The following IL1RAPL1 variants were observed in gnomAD, a reference collection of about 807,000 sequenced individuals.
IL1RAPL1 encodes interleukin 1 receptor accessory protein like 1, also known as interleukin-1 receptor accessory protein-like 1.
Under a neutral mutation model 48.4 loss-of-function variants are expected in IL1RAPL1, and 3 were observed. The observed-to-expected ratio is 0.06, with a 90% confidence interval of 0.03 to 0.16. The LOEUF (loss-of-function observed/expected upper bound fraction) is 0.16, where lower values mean the gene tolerates loss of function less well. Among genes scored for constraint, IL1RAPL1 ranks in the 10% least tolerant of loss-of-function variants. IL1RAPL1 has a pLI of 1.00. For missense variants in IL1RAPL1, 349 were observed against 530.6 expected, an observed-to-expected ratio of 0.66 and a Z score of 3.36; for synonymous variants, 185 against 187.7, an observed-to-expected ratio of 0.99 and a Z score of 0.12.
At chrX:29,795,444 T>G (rs1929720675) in intron 6 of IL1RAPL1, among the ~76,000 whole-genome samples, 1 of 112,392 alleles carries the variant, frequency 8.9e-6, no homozygotes, top group Non-Finnish European at 1.9e-5. Flanking sequence ...AGGGTCTCAC[T>G]CTGTCACCCA....
chrX:29,286,493 G>A (rs774736899), intron 3 of IL1RAPL1, among the ~76,000 whole-genome samples: 138 of 110,922 alleles, frequency 1.2e-3, no homozygotes, highest in Middle Eastern at 4.6e-3. Flanking sequence ...ACCAGCCTGC[G>A]TAACACAGTG....
rs757089075 is a variant in IL1RAPL1, at chrX:29,875,612, G to T, written c.779-41852G>T. 1.4e-4 allele frequency among the ~76,000 whole-genome samples: 16 copies of T among 111,696 alleles called. No individual in the cohort carries two copies. In the East Asian group the frequency reaches 2.0e-3, roughly 14 times the overall value. ...GTCCCTCAGAGCCATTAGAAATTCA[G>T]CTTGCATCAGTCTAGAGTTCTACAA... On this transcript the variant is annotated intron_variant, in intron 6 of 10. Coordinates refer to ENST00000378993, the MANE Select transcript of IL1RAPL1 (RefSeq NM_014271.4).
chrX:29,791,664 T>TCCA (rs1414844318), intron 6 of IL1RAPL1, among the ~76,000 whole-genome samples: 1 of 108,536 alleles, frequency 9.2e-6, no homozygotes, highest in Non-Finnish European at 1.9e-5. Flanking sequence ...CTTCAGGTGA[T>TCCA]CCACCCGCCT....
In IL1RAPL1 at chrX:29,166,396, A is replaced by T. The variant is rs1173354829; in HGVS notation, c.83-116542A>T. Among the ~76,000 whole-genome samples, 4 of 112,105 alleles carry T rather than the reference A, an allele frequency of 3.6e-5. 1 individual carries two copies. The highest frequency in any genetic ancestry group is 1.3e-4 in the African/African-American group (4 of 30,897). ...CCATTGACTTTAATTCTACCTGCTT[A>T]CTGTCATAAAGTAATCTTCATGGCT... is the stretch of plus-strand genomic sequence containing the variant. On this transcript the variant is annotated intron_variant, in intron 2 of 10. Coordinates refer to ENST00000378993, the MANE Select transcript of IL1RAPL1 (RefSeq NM_014271.4).
chrX:29,725,039 A>C (rs906945310), intron 6 of IL1RAPL1, among the ~76,000 whole-genome samples: 1 of 111,234 alleles, frequency 9.0e-6, no homozygotes, highest in African/African-American at 3.3e-5. Context: ...TGAGGAAGAC[A>C]GTCAACTCTG....
chrX:28,775,112 A>G (rs1358850342), intron 1 of IL1RAPL1, among the ~76,000 whole-genome samples: 2 of 112,094 alleles, frequency 1.8e-5, no homozygotes, highest in Non-Finnish European at 3.8e-5. Flanking sequence ...CCATTATAGT[A>G]CAAGTGAACT....
chrX:28,978,238 C>T (rs1430768354), intron 2 of IL1RAPL1, among the ~76,000 whole-genome samples: 1 of 111,289 alleles, frequency 9.0e-6, no homozygotes, highest in African/African-American at 3.3e-5. Flanking sequence ...TGGGGTCCGT[C>T]ATCGGAACAA....
At chrX:28,780,363 G>GTCTGTC (rs1555922998) in intron 1 of IL1RAPL1, among the ~76,000 whole-genome samples, 3,097 of 91,435 alleles carry the variant, frequency 0.034, 131 homozygotes, top group African/African-American at 0.11. Context: ...GTGTGTGTGT[G>GTCTGTC]TGTCTGTCTG....
intron 2 of IL1RAPL1, among the ~76,000 whole-genome samples, chrX:29,001,861 G>A (rs1426278574): frequency 9.2e-6 from 1 of 108,727 alleles, no homozygotes; most frequent in Non-Finnish European, 1.9e-5. Flanking sequence ...ATAGTAGAAT[G>A]GATAAGAAAT....
intron 1 of IL1RAPL1, among the ~76,000 whole-genome samples, chrX:28,709,856 C>G (rs1330058470): frequency 9.0e-6 from 1 of 110,999 alleles, no homozygotes; most frequent in East Asian, 2.8e-4. Context: ...TCTTATTCAG[C>G]CTTTCCCAAA....
intron 1 of IL1RAPL1, among the ~76,000 whole-genome samples, chrX:28,633,088 C>T (rs1053256281): frequency 1.0e-4 from 11 of 110,303 alleles, no homozygotes; most frequent in African/African-American, 3.6e-4. Flanking sequence ...GGGTTTTCGC[C>T]ATGTTGGCCA....
chrX:29,851,643 T>A (rs903241382), intron 6 of IL1RAPL1, among the ~76,000 whole-genome samples: 2 of 111,468 alleles, frequency 1.8e-5, no homozygotes, highest in African/African-American at 6.5e-5. Flanking sequence ...TTCACTTCCT[T>A]CGTTTCTGTG....
At chrX:29,416,206 T>C (rs937367632) in intron 5 of IL1RAPL1, among the ~76,000 whole-genome samples, 1 of 111,220 alleles carries the variant, frequency 9.0e-6, no homozygotes, top group Admixed American at 9.6e-5. Context: ...GTTTACAAAA[T>C]AGGAAAGGTT....
Position 29,291,049 on chromosome X carries a change from G to A in IL1RAPL1, c.362+7832G>A, listed in dbSNP as rs999424276. ...TGACCCCATTCCTAAAACCTCCAAA[G>A]TCTTATCTTTCTGTGGCATCAGGAT... On this transcript the variant is annotated intron_variant, in intron 3 of 10. Transcript: ENST00000378993. Among the ~76,000 whole-genome samples, 57 of 111,366 alleles carry A rather than the reference G, an allele frequency of 5.1e-4. 1 individual carries two copies. In the Admixed American group the frequency reaches 5.5e-3, roughly 11 times the overall value.
intron 5 of IL1RAPL1, among the ~76,000 whole-genome samples, chrX:29,649,020 T>C (rs1023035958): frequency 1.8e-5 from 2 of 111,346 alleles, no homozygotes; most frequent in Non-Finnish European, 3.8e-5. Context: ...CTAGGAGAAA[T>C]GAATATATTC....
chrX:29,123,698 T>G (rs1371534016), intron 2 of IL1RAPL1, among the ~76,000 whole-genome samples: 1 of 111,276 alleles, frequency 9.0e-6, no homozygotes, highest in Non-Finnish European at 1.9e-5. Flanking sequence ...TATTTAAAAA[T>G]TTTTTGAGAT....
At position 29,031,530 on chromosome X, in the gene IL1RAPL1, T is replaced by A. The variant is rs776356906; in HGVS notation, c.82+242105T>A. Reference sequence around the variant, plus strand: ...AAACAACATTGTAATGACCTTGTGATTTTTATGAAACCACTTATAACTTGG... The same window carrying A: ...AAACAACATTGTAATGACCTTGTGAATTTTATGAAACCACTTATAACTTGG... On this transcript the variant is annotated intron_variant, in intron 2 of 10. Coordinates refer to ENST00000378993, the MANE Select transcript of IL1RAPL1 (RefSeq NM_014271.4). 8.0e-5 allele frequency among the ~76,000 whole-genome samples: 9 copies of A among 112,212 alleles called. No individual in the cohort carries two copies. The East Asian group carries it at 2.5e-3, about 32-fold the overall frequency.
intron 1 of IL1RAPL1, among the ~76,000 whole-genome samples, chrX:28,749,447 A>G (rs769278465): frequency 1.8e-5 from 2 of 111,956 alleles, no homozygotes; most frequent in Non-Finnish European, 3.8e-5. Context: ...CTTTTTGATA[A>G]TAGCCATTCT....
chrX:29,301,269 A>G (rs1169732364), intron 3 of IL1RAPL1, among the ~76,000 whole-genome samples: 3 of 111,565 alleles, frequency 2.7e-5, no homozygotes, highest in Non-Finnish European at 3.8e-5. Context: ...AAAGAACTAT[A>G]GTTTTTATTG....
Sources: allele counts gnomAD v4.1 joint callset (sites outside exome capture counted in the v4.1 genomes callset), GRCh38; gene constraint gnomAD v4.1.1; transcripts MANE v1.5; gene names NCBI Gene and HGNC (gene_info 2026-07-23, HGNC 2026-07-21).